APP: variants seen among roughly 807,000 people sequenced by gnomAD.
The protein encoded by APP is amyloid beta precursor protein, also known as amyloid-beta precursor protein.
Under a neutral mutation model 101.4 loss-of-function variants are expected in APP, and 31 were observed. That is an observed-to-expected ratio of 0.31 (90% CI 0.23 to 0.41). The LOEUF (loss-of-function observed/expected upper bound fraction) is 0.41, where lower values mean the gene tolerates loss of function less well. APP is among the 10% of genes least tolerant of loss of function. The probability of loss-of-function intolerance (pLI) is 1.00; values close to 1 mark genes in which losing one functional copy is unlikely to be tolerated. For synonymous variants in APP, 366 were observed against 364.4 expected, an observed-to-expected ratio of 1.00 and a Z score of -0.05; for missense variants, 839 against 1,003.7, an observed-to-expected ratio of 0.84 and a Z score of 2.22.
chr21:26,048,856 CT>C (rs745839071), intron 5 of APP, among the ~76,000 whole-genome samples: 7 of 152,028 alleles, frequency 4.6e-5, no homozygotes, highest in Non-Finnish European at 8.8e-5. Flanking sequence ...TGACAAATAT[CT>C]TTATCATACA....
At chr21:26,145,411 T>C (rs2063133278) in intron 1 of APP, among the ~76,000 whole-genome samples, 1 of 152,198 alleles carries the variant, frequency 6.6e-6, no homozygotes, top group East Asian at 1.9e-4. Flanking sequence ...CCAGGCAACC[T>C]GGATCCCTCC....
chr21:26,114,300 A>AG (rs2062389583), intron 1 of APP, among the ~76,000 whole-genome samples: 1 of 152,148 alleles, frequency 6.6e-6, no homozygotes, highest in Non-Finnish European at 1.5e-5. Flanking sequence ...CAGGGTAGCC[A>AG]GCCTCCAAGA....
At chr21:26,160,704 C>G (rs465235) in intron 1 of APP, among the ~76,000 whole-genome samples, 88,038 of 151,986 alleles carry the variant, frequency 0.58, 27,076 homozygotes, top group African/African-American at 0.79. Context: ...TTTTCATTTT[C>G]ATGCCACTAA....
chr21:25,926,874 G>A (rs1328982336), intron 13 of APP, among the ~76,000 whole-genome samples: 5 of 151,684 alleles, frequency 3.3e-5, no homozygotes, highest in Admixed American at 6.6e-5. Flanking sequence ...ATGTGGTGGT[G>A]GCACTGTAGT....
chr21:25,949,638 G>A (rs541763948), intron 13 of APP, among the ~76,000 whole-genome samples: 43 of 152,260 alleles, frequency 2.8e-4, no homozygotes, highest in African/African-American at 9.6e-4. Flanking sequence ...AAAAGTACCA[G>A]GGTCCTTGCT....
intron 6 of APP, among the ~76,000 whole-genome samples, chr21:26,005,883 CAA>C (rs2043510148): frequency 6.6e-6 from 1 of 152,024 alleles, no homozygotes; most frequent in Non-Finnish European, 1.5e-5. Flanking sequence ...TAACTAAACC[CAA>C]ATAAGATTCC....
At chr21:26,022,761 C>A (rs1020577520) in intron 5 of APP, among the ~76,000 whole-genome samples, 3 of 152,228 alleles carry the variant, frequency 2.0e-5, no homozygotes, top group Non-Finnish European at 4.4e-5. Flanking sequence ...CAACGCATTG[C>A]ACGGTAGCGG....
intron 13 of APP, among the ~76,000 whole-genome samples, chr21:25,947,266 A>C (rs1360677688): frequency 1.3e-5 from 2 of 152,220 alleles, no homozygotes; most frequent in Non-Finnish European, 2.9e-5. Flanking sequence ...CAACCAAAAA[A>C]GGCATAGAGA....
At chr21:25,936,366 C>CA (rs2017928818) in intron 13 of APP, among the ~76,000 whole-genome samples, 1 of 152,152 alleles carries the variant, frequency 6.6e-6, no homozygotes, top group Admixed American at 6.5e-5. Context: ...CCAGCCTGAC[C>CA]AACATGGAGA....
intron 13 of APP, among the ~76,000 whole-genome samples, chr21:25,913,272 G>C (rs1432596687): frequency 6.6e-6 from 1 of 151,960 alleles, no homozygotes; most frequent in Non-Finnish European, 1.5e-5. Context: ...TTTATTGCAA[G>C]TGATTTTAAA....
chr21:26,102,063 G>A (rs1033402374), intron 2 of APP, among the ~76,000 whole-genome samples: 1 of 144,962 alleles, frequency 6.9e-6, no homozygotes, highest in African/African-American at 2.5e-5. Flanking sequence ...AAAGCCTTTG[G>A]TTTAAGTAAA....
At chr21:26,142,682 T>G (rs1297188825) in intron 1 of APP, among the ~76,000 whole-genome samples, 1 of 151,912 alleles carries the variant, frequency 6.6e-6, no homozygotes, top group Admixed American at 6.6e-5. Flanking sequence ...GGTGGCAGCA[T>G]CGCTTGAGCC....
chr21:26,124,162 A>C (rs1223506371), intron 1 of APP, among the ~76,000 whole-genome samples: 2 of 152,218 alleles, frequency 1.3e-5, no homozygotes, highest in African/African-American at 4.8e-5. Flanking sequence ...ATAAACTAGA[A>C]GGTAGAAAAT....
chr21:26,116,385 A>G (rs146096171), intron 1 of APP, among the ~76,000 whole-genome samples: 4 of 152,382 alleles, frequency 2.6e-5, no homozygotes, highest in African/African-American at 7.2e-5. Flanking sequence ...AGGGGATAAC[A>G]TAAACGAATA....
intron 11 of APP, among the ~76,000 whole-genome samples, chr21:25,966,822 T>C (rs1783024): frequency 0.56 from 84,657 of 152,016 alleles, 23,795 homozygotes; most frequent in South Asian, 0.61. Flanking sequence ...AACACCCACA[T>C]TGGTTAAAGT....
chr21:25,990,134 CT>C (rs1334522677), intron 8 of APP, among the ~76,000 whole-genome samples: 3 of 152,200 alleles, frequency 2.0e-5, no homozygotes, highest in African/African-American at 4.8e-5. Flanking sequence ...CATTCTCCCC[CT>C]AATATGCCCT....
At chr21:26,034,514 C>T (rs1244126785) in intron 5 of APP, among the ~76,000 whole-genome samples, 4 of 151,186 alleles carry the variant, frequency 2.6e-5, no homozygotes, top group Non-Finnish European at 4.4e-5. Flanking sequence ...TGGTGGCGGG[C>T]GCCTATAGTC....
At chr21:26,009,087 C>T (rs1159089264) in intron 6 of APP, among the ~76,000 whole-genome samples, 2 of 152,304 alleles carry the variant, frequency 1.3e-5, no homozygotes, top group African/African-American at 2.4e-5. Context: ...GCAGCATGAT[C>T]AACCTTATCT....
At chr21:26,143,243 G>A (rs2063085148) in intron 1 of APP, among the ~76,000 whole-genome samples, 1 of 152,186 alleles carries the variant, frequency 6.6e-6, no homozygotes, top group South Asian at 2.1e-4. Context: ...GGAGGCCAAG[G>A]CAGGAGGATC....
Sources: gnomAD v4.1 joint callset for allele counts (sites outside exome capture counted in the v4.1 genomes callset) on GRCh38, gnomAD v4.1.1 for gene constraint, MANE v1.5 for transcripts, NCBI Gene and HGNC (gene_info 2026-07-23, HGNC 2026-07-21) for gene names.